The following MACROH2A2 variants were observed in gnomAD, a reference collection of about 807,000 sequenced individuals.
The protein encoded by MACROH2A2 is macroH2A.2 histone.
A neutral mutation model predicts 37.6 loss-of-function variants in MACROH2A2; 6 were observed. The observed-to-expected ratio is 0.16, with a 90% CI of 0.09 to 0.32. The LOEUF (loss-of-function observed/expected upper bound fraction) is 0.32, where lower values mean the gene tolerates loss of function less well. Ranked by LOEUF, MACROH2A2 falls within the 10% of genes least tolerant of loss-of-function variation. MACROH2A2 has a pLI of 1.00. For synonymous variants in MACROH2A2, 192 were observed against 202.7 expected (o/e 0.95, Z 0.45); for missense variants, 290 against 485.9 (o/e 0.60, Z 3.79).
rs1333968491 is a variant in MACROH2A2, at chr10:70,091,896, C to T, written c.419C>T (p.Thr140Met). 8.1e-6 allele frequency: 13 copies of T among 1,613,978 alleles called. No homozygotes were observed. The highest frequency in any genetic ancestry group is 1.1e-5 in the South Asian group (1 of 91,068). ...PPPEKRGRKA[T>M]SGKKGGKKSK... is the part of the protein sequence containing the mutation. ...CCAGAGAAAAGAGGCAGGAAGGCCA[C>T]GTCAGGCAAGAAGGGGGGGAAGAAA... The change falls in exon 4 of 9, where the codon ACG becomes ATG. Residue 140 changes from threonine to methionine, a missense_variant. This residue lies in a region of MACROH2A2 where 77 missense variants were observed against 68.9 expected (regional missense o/e 1.12). Transcript: ENST00000373255.
At chr10:70,079,079 C>T (rs10823479) in intron 2 of MACROH2A2, among the ~76,000 whole-genome samples, 6,356 of 152,212 alleles carry the variant, frequency 0.042, 439 homozygotes, top group East Asian at 0.25. Flanking sequence ...AAGAAGGAAA[C>T]GCCTCACAAT....
chr10:70,082,816 G>A (rs921443659), intron 2 of MACROH2A2, among the ~76,000 whole-genome samples: 2 of 152,114 alleles, frequency 1.3e-5, no homozygotes, highest in Non-Finnish European at 2.9e-5. Flanking sequence ...GAGAGGGAGG[G>A]AGAAAAGATG....
intron 3 of MACROH2A2, among the ~76,000 whole-genome samples, chr10:70,091,107 CT>C (rs750383273): frequency 3.9e-5 from 6 of 152,338 alleles, no homozygotes; most frequent in Admixed American, 6.5e-5. Flanking sequence ...TTGCAATGAC[CT>C]TTGAACATCA....
chr10:70,092,075 G>A, intron 4 of MACROH2A2, 121 bp downstream of exon 4: 1 of 767,954 alleles, frequency 1.3e-6, no homozygotes, highest in Non-Finnish European at 2.1e-6. Flanking sequence ...CAAGGTGTGG[G>A]CTTTGAGAGA....
intron 6 of MACROH2A2, chr10:70,098,588 G>A (rs1198737287): frequency 6.6e-6 from 1 of 152,298 alleles, no homozygotes; most frequent in East Asian, 1.9e-4. Context: ...GTTTCATGCA[G>A]TCCGGATTTT....
At chr10:70,072,332 T>G (rs2072115698) in intron 1 of MACROH2A2, among the ~76,000 whole-genome samples, 1 of 151,676 alleles carries the variant, frequency 6.6e-6, no homozygotes. Context: ...CTACACAGAG[T>G]CAGGGTCATC....
intron 1 of MACROH2A2, among the ~76,000 whole-genome samples, chr10:70,065,802 G>A (rs556551134): frequency 6.6e-6 from 1 of 152,042 alleles, no homozygotes; most frequent in Non-Finnish European, 1.5e-5. Flanking sequence ...GTGGGTTGAG[G>A]GGGGAGGGAT....
chr10:70,078,040 A>C (rs1373546051), intron 2 of MACROH2A2, among the ~76,000 whole-genome samples: 2 of 152,322 alleles, frequency 1.3e-5, no homozygotes, highest in East Asian at 1.9e-4. Context: ...TGTGTGATGA[A>C]AATAACTAAG....
chr10:70,073,966 C>T (rs2072125426), intron 1 of MACROH2A2, among the ~76,000 whole-genome samples: 1 of 152,144 alleles, frequency 6.6e-6, no homozygotes, highest in African/African-American at 2.4e-5. Context: ...GAGGAAACGG[C>T]CCCTGAGAAC....
chr10:70,091,650 G>C, intron 3 of MACROH2A2, 107 bp from the exon 4 acceptor site: 2 of 777,536 alleles, frequency 2.6e-6, no homozygotes, highest in Non-Finnish European at 4.1e-6. Context: ...CTCCAGCCTG[G>C]GTGACAGAGT....
intron 2 of MACROH2A2, among the ~76,000 whole-genome samples, chr10:70,082,767 TACAG>T (rs2072187696): frequency 6.6e-6 from 1 of 152,112 alleles, no homozygotes; most frequent in Non-Finnish European, 1.5e-5. Flanking sequence ...GGTGAATTCA[TACAG>T]ACAGAAAGTA....
chr10:70,078,712 G>A (rs565623711), intron 2 of MACROH2A2, among the ~76,000 whole-genome samples: 3 of 152,198 alleles, frequency 2.0e-5, no homozygotes, highest in Non-Finnish European at 4.4e-5. Flanking sequence ...AAGTATAAAT[G>A]ACTAATTCCA....
chr10:70,080,703 G>A (rs541999480), intron 2 of MACROH2A2, among the ~76,000 whole-genome samples: 15 of 151,846 alleles, frequency 9.9e-5, no homozygotes, highest in Admixed American at 9.2e-4. Flanking sequence ...CCAACATGAT[G>A]AAACCCCATC....
At position 70,111,551 on chromosome 10, in the gene MACROH2A2, G is replaced by A; in HGVS notation, c.987G>A (p.Val329=). Residue 329 remains valine, a synonymous_variant, in exon 9 of 9, where the codon GTG becomes GTA. Coordinates refer to ENST00000373255, the MANE Select transcript of MACROH2A2 (RefSeq NM_018649.3). ...NCFPKQTAAQ[V]TLKAISAHFD... Reference sequence around the variant, plus strand: ...TTCCCAAACAGACTGCGGCCCAGGTGACCCTCAAAGCCATCTCAGCCCACT... The same window carrying A: ...TTCCCAAACAGACTGCGGCCCAGGTAACCCTCAAAGCCATCTCAGCCCACT... 1 of 1,613,600 alleles carries A rather than the reference G, an allele frequency of 6.2e-7. No homozygotes were observed. Among genetic ancestry groups the A allele is most frequent in the Non-Finnish European group, 8.5e-7 (1 of 1,179,816 alleles).
intron 1 of MACROH2A2, among the ~76,000 whole-genome samples, chr10:70,068,872 C>T (rs1332650364): frequency 6.6e-6 from 1 of 152,144 alleles, no homozygotes; most frequent in Non-Finnish European, 1.5e-5. Flanking sequence ...TGTCAGGCAA[C>T]TTCATTGGAA....
At chr10:70,098,336 G>A (rs1327160558) in intron 6 of MACROH2A2, 4 of 121,818 alleles carry the variant, frequency 3.3e-5, no homozygotes, top group African/African-American at 1.1e-4. Context: ...GAGGCAGAGG[G>A]AGAGAGAGAG....
chr10:70,093,794 A>G lies in MACROH2A2; in HGVS notation c.537A>G (p.Pro179=). Residue 179 remains proline (P), a synonymous_variant, in exon 5 of 9, where the codon CCA becomes CCG. Coordinates refer to ENST00000373255, the MANE Select transcript of MACROH2A2 (RefSeq NM_018649.3). The stretch of plus-strand genomic sequence containing the variant: ...CAAATTCCACCTCTGAAGATGGGCC[A>G]GGGGATGGATTCACCATTCTGTCTT... ...GTSNSTSEDG[P]GDGFTILSSK... The G allele has an allele frequency of 6.2e-7, 1 of 1,612,394 alleles. No homozygotes were observed. Among genetic ancestry groups the G allele is most frequent in the East Asian group, 2.2e-5 (1 of 44,874 alleles).
chr10:70,101,201 A>G (rs1354608639), intron 7 of MACROH2A2, among the ~76,000 whole-genome samples: 1 of 152,222 alleles, frequency 6.6e-6, no homozygotes, highest in Non-Finnish European at 1.5e-5. Flanking sequence ...TTGGTGATCA[A>G]ACAAAGAAAC....
chr10:70,085,724 T>C (rs1214617365), intron 2 of MACROH2A2, among the ~76,000 whole-genome samples: 1 of 152,218 alleles, frequency 6.6e-6, no homozygotes, highest in Non-Finnish European at 1.5e-5. Context: ...GAAGTGTGAC[T>C]TGTGAGAAGT....
Sources: gnomAD v4.1 joint callset for allele counts (sites outside exome capture counted in the v4.1 genomes callset) on GRCh38, gnomAD v4.1.1 for gene constraint, gnomAD v4.1.1 regional missense constraint, MANE v1.5 for transcripts, NCBI Gene and HGNC (gene_info 2026-07-23, HGNC 2026-07-21) for gene names.